The following DLGAP2 variants were observed in gnomAD, a reference collection of about 807,000 sequenced individuals.
DLGAP2 encodes the protein DLG associated protein 2, also known as disks large-associated protein 2.
In DLGAP2, 26 loss-of-function variants were observed where a neutral mutation model predicts 100.3. The observed-to-expected ratio is 0.26, with a 90% CI of 0.19 to 0.36. DLGAP2 has a LOEUF of 0.36. Ranked by LOEUF, DLGAP2 falls within the 10% of genes least tolerant of loss-of-function variation. DLGAP2 has a pLI of 1.00. For synonymous variants in DLGAP2, 886 were observed against 630.1 expected (o/e 1.41, Z -6.08); for missense variants, 1,858 against 1,453.2 (o/e 1.28, Z -4.53).
At chr8:1,359,461 G>A (rs1010430020) in intron 3 of DLGAP2, among the ~76,000 whole-genome samples, 1 of 152,262 alleles carries the variant, frequency 6.6e-6, no homozygotes, top group African/African-American at 2.4e-5. Flanking sequence ...ACGTGGGCGT[G>A]GGGACACGGG....
intron 3 of DLGAP2, among the ~76,000 whole-genome samples, chr8:1,430,821 C>T (rs538968150): frequency 3.3e-4 from 51 of 152,322 alleles, no homozygotes; most frequent in African/African-American, 1.2e-3. Flanking sequence ...GACCCTGACA[C>T]GTCTGACACA....
At chr8:1,629,714 C>A (rs1337242352) in intron 7 of DLGAP2, among the ~76,000 whole-genome samples, 1 of 152,210 alleles carries the variant, frequency 6.6e-6, no homozygotes, top group African/African-American at 2.4e-5. Flanking sequence ...TGTAACCCAA[C>A]AAAAGGTTTA....
At chr8:1,612,846 C>CAT (rs1229551824) in intron 6 of DLGAP2, among the ~76,000 whole-genome samples, 5 of 98,288 alleles carry the variant, frequency 5.1e-5, no homozygotes, top group Non-Finnish European at 1.0e-4. Flanking sequence ...TATGAGATAT[C>CAT]ATCTCACACC....
At position 1,683,669 on chromosome 8, in the gene DLGAP2, G is replaced by A. The variant is rs564914586; in HGVS notation, c.2704+5040G>A. On this transcript the variant is annotated intron_variant, in intron 12 of 14. Coordinates refer to ENST00000637795, the MANE Select transcript of DLGAP2 (RefSeq NM_001346810.2). ...AAGCAGGAGGATGGGCTGTCTTAGC[G>A]AACAGGATGCCACACTCCTGCTCAC... is the stretch of plus-strand genomic sequence containing the variant. Among the ~76,000 whole-genome samples, 37 of 149,640 alleles carry A rather than the reference G, an allele frequency of 2.5e-4. 2 individuals are homozygous for A. The South Asian group carries it at 3.2e-3, about 13-fold the overall frequency.
At chr8:1,202,236 G>C (rs1797893421) in intron 2 of DLGAP2, among the ~76,000 whole-genome samples, 1 of 109,518 alleles carries the variant, frequency 9.1e-6, no homozygotes, top group African/African-American at 4.0e-5. Context: ...TGTATGTATA[G>C]ATGCAGTGTG....
chr8:1,693,814 A>G (rs554157877), intron 13 of DLGAP2, among the ~76,000 whole-genome samples: 1 of 152,230 alleles, frequency 6.6e-6, no homozygotes. Flanking sequence ...AAAGGTTTTG[A>G]GTGCCTCGAA....
At chr8:767,148 TTTCTGCTGGGGCCACA>T (rs1357245111) in intron 1 of DLGAP2, among the ~76,000 whole-genome samples, 1 of 152,124 alleles carries the variant, frequency 6.6e-6, no homozygotes. Context: ...GAGCCGTGTG[TTTCTGCTGGGGCCACA>T]TCCACGGCTC....
At chr8:1,259,742 T>C (rs60557837) in intron 3 of DLGAP2, 62,941 of 151,878 alleles carry the variant, frequency 0.41, 13,378 homozygotes, top group Admixed American at 0.51. Flanking sequence ...ATACTCAGGG[T>C]CACAGAAGCT....
intron 2 of DLGAP2, among the ~76,000 whole-genome samples, chr8:1,178,861 G>C (rs562404624): frequency 6.5e-4 from 99 of 152,296 alleles, no homozygotes; most frequent in African/African-American, 2.2e-3. Flanking sequence ...GTGTGATTCA[G>C]CTGCAACTGC....
intron 6 of DLGAP2, among the ~76,000 whole-genome samples, chr8:1,599,195 C>T (rs1796547923): frequency 6.6e-6 from 1 of 152,138 alleles, no homozygotes; most frequent in African/African-American, 2.4e-5. Context: ...GATTCTTAAT[C>T]CTGAGTTCTA....
chr8:1,492,466 A>G (rs1017572718), intron 3 of DLGAP2, among the ~76,000 whole-genome samples: 1 of 152,240 alleles, frequency 6.6e-6, no homozygotes, highest in Admixed American at 6.5e-5. Context: ...TGAACTCTGC[A>G]CTGACTCTCA....
intron 2 of DLGAP2, among the ~76,000 whole-genome samples, chr8:1,212,622 C>G (rs1002453179): frequency 6.6e-6 from 1 of 152,112 alleles, no homozygotes; most frequent in African/African-American, 2.4e-5. Flanking sequence ...TCAAGGAAGG[C>G]TGCCTGGAGG....
intron 1 of DLGAP2, among the ~76,000 whole-genome samples, chr8:905,509 A>G (rs1396726618): frequency 6.6e-6 from 1 of 152,116 alleles, no homozygotes; most frequent in Non-Finnish European, 1.5e-5. Flanking sequence ...GCCCTGGCAG[A>G]TGCAATTGTG....
chr8:1,107,018 T>C (rs1804796784), intron 2 of DLGAP2, among the ~76,000 whole-genome samples: 1 of 152,194 alleles, frequency 6.6e-6, no homozygotes, highest in Non-Finnish European at 1.5e-5. Flanking sequence ...CGCACCTGTA[T>C]ACAGCATCTA....
intron 6 of DLGAP2, among the ~76,000 whole-genome samples, chr8:1,595,251 G>C (rs1007964784): frequency 1.3e-5 from 2 of 151,830 alleles, no homozygotes; most frequent in Non-Finnish European, 2.9e-5. Flanking sequence ...ATGTTTCCCA[G>C]GTTTTACGGG....
intron 2 of DLGAP2, among the ~76,000 whole-genome samples, chr8:1,231,706 C>G (rs1000880673): frequency 6.6e-6 from 1 of 152,088 alleles, no homozygotes; most frequent in Admixed American, 6.5e-5. Context: ...GGTCATTATA[C>G]TAAAAGAACT....
intron 2 of DLGAP2, among the ~76,000 whole-genome samples, chr8:1,174,644 T>G (rs1797213920): frequency 6.6e-6 from 1 of 151,458 alleles, no homozygotes; most frequent in South Asian, 2.1e-4. Context: ...ATCATCATCG[T>G]CGTCTTTACC....
intron 2 of DLGAP2, among the ~76,000 whole-genome samples, chr8:949,449 G>T (rs924187436): frequency 6.6e-6 from 1 of 152,072 alleles, no homozygotes; most frequent in Non-Finnish European, 1.5e-5. Context: ...GGAGGGAGGG[G>T]TCTGCAAGAG....
chr8:1,587,535 A>G (rs1048601687), intron 6 of DLGAP2, among the ~76,000 whole-genome samples: 1 of 152,232 alleles, frequency 6.6e-6, no homozygotes, highest in Non-Finnish European at 1.5e-5. Flanking sequence ...GAATGTTTCT[A>G]AGAATATATC....
Sources: gnomAD v4.1 joint callset for allele counts (sites outside exome capture counted in the v4.1 genomes callset) on GRCh38, gnomAD v4.1.1 for gene constraint, MANE v1.5 for transcripts, NCBI Gene and HGNC (gene_info 2026-07-23, HGNC 2026-07-21) for gene names.